The following MCMDC2 variants were observed in gnomAD, a reference collection of about 807,000 sequenced individuals.
MCMDC2 encodes minichromosome maintenance domain containing 2, also known as minichromosome maintenance domain-containing protein 2.
Under a neutral mutation model 75.8 loss-of-function variants are expected in MCMDC2, and 54 were observed. That is an observed-to-expected ratio of 0.71 (90% CI 0.57 to 0.89). The LOEUF (loss-of-function observed/expected upper bound fraction) is 0.89, where lower values mean the gene tolerates loss of function less well. Among genes scored for constraint, MCMDC2 ranks in the 40% least tolerant of loss-of-function variants. The pLI is 0.00. For synonymous variants in MCMDC2, 249 were observed against 274.6 expected, an observed-to-expected ratio of 0.91 and a Z score of 0.92; for missense variants, 656 against 780.4, an observed-to-expected ratio of 0.84 and a Z score of 1.90.
At chr8:66,872,266 T>C (rs768041345) in intron 1 of MCMDC2, among the ~76,000 whole-genome samples, 14 of 152,204 alleles carry the variant, frequency 9.2e-5, no homozygotes, top group Non-Finnish European at 1.8e-4. Context: ...GGGTGGAAGG[T>C]GACCTCCATC....
At chr8:66,871,303 A>G (rs1811005510) in intron 1 of MCMDC2, among the ~76,000 whole-genome samples, 1 of 152,100 alleles carries the variant, frequency 6.6e-6, no homozygotes. Context: ...AAGTCAGGAT[A>G]TCTCAAGGGA....
intron 9 of MCMDC2, 91 bp from the exon 10 acceptor site, chr8:66,890,774 G>T: frequency 9.6e-7 from 1 of 1,045,860 alleles, no homozygotes. Flanking sequence ...TATCACAGGT[G>T]CTCAGTAAAC....
At chr8:66,900,445 A>T (rs1260003076) in intron 12 of MCMDC2, among the ~76,000 whole-genome samples, 4 of 152,058 alleles carry the variant, frequency 2.6e-5, no homozygotes. Context: ...TCTCAAAATA[A>T]ATAAAAAAAA....
chr8:66,879,124 G>A (rs1192327513), intron 7 of MCMDC2, among the ~76,000 whole-genome samples: 2 of 152,048 alleles, frequency 1.3e-5, no homozygotes, highest in Admixed American at 6.6e-5. Flanking sequence ...TTAGCTAGAT[G>A]TGGTGGCATG....
chr8:66,924,845 G>A (rs1313787587), downstream of MCMDC2, among the ~76,000 whole-genome samples: 1 of 152,110 alleles, frequency 6.6e-6, no homozygotes, highest in Admixed American at 6.5e-5. Flanking sequence ...GTATTACGAA[G>A]GAAGGTCCAG....
At chr8:66,886,274 CCT>C (rs1002243866) in intron 9 of MCMDC2, among the ~76,000 whole-genome samples, 1 of 151,876 alleles carries the variant, frequency 6.6e-6, no homozygotes, top group Non-Finnish European at 1.5e-5. Context: ...AAGCAATTCC[CCT>C]GTTTCAGCCT....
At chr8:66,901,165 A>G (rs368773958) in intron 12 of MCMDC2, 41 bp from the exon 13 acceptor site, 2 of 1,464,042 alleles carry the variant, frequency 1.4e-6, no homozygotes, top group African/African-American at 2.8e-5. Flanking sequence ...TATTGATTCC[A>G]TAATAAAGCT....
At chr8:66,922,639 T>C (rs745699174), downstream of MCMDC2, 130 of 399,390 alleles carry the variant, frequency 3.3e-4, no homozygotes, top group Non-Finnish European at 5.5e-4. Flanking sequence ...GTGATCCTAG[T>C]AGTTTTTTCA....
intron 11 of MCMDC2, 104 bp downstream of exon 11, chr8:66,896,440 A>T (rs1585885185): frequency 9.3e-7 from 1 of 1,070,702 alleles, no homozygotes; most frequent in East Asian, 2.7e-5. Context: ...TCTATACTTT[A>T]TTGAGTACCA....
intron 14 of MCMDC2, among the ~76,000 whole-genome samples, chr8:66,910,152 A>G (rs185393585): frequency 1.3e-5 from 2 of 152,236 alleles, no homozygotes; most frequent in Admixed American, 6.5e-5. Flanking sequence ...AAATGTGTGG[A>G]TATCCCTGCA....
In MCMDC2 at chr8:66,920,621, C is replaced by T. The variant is rs376162354; in HGVS notation, c.*1452C>T. 6.6e-6 allele frequency: 1 copy of T among 152,138 alleles called. No homozygotes were observed. Among genetic ancestry groups the T allele is most frequent in the African/African-American group, 2.4e-5 (1 of 41,412 alleles). The allele number at this position is 152,138 out of a possible 1,614,324, so 9.4% of individuals were successfully genotyped here. A position where few individuals can be genotyped will look rare whatever the true frequency, so the allele number is the denominator to read the frequency against. ...CTACATTTCAAACATGTCTGGCTCTCTATGGGGGGAAGGCAAAACACATTC... is the reference window on the plus strand; with the variant it reads ...CTACATTTCAAACATGTCTGGCTCTTTATGGGGGGAAGGCAAAACACATTC... On this transcript the variant is annotated 3_prime_UTR_variant, in exon 15 of 15. Transcript: ENST00000422365.
At chr8:66,897,205 G>A (rs554600478) in intron 12 of MCMDC2, among the ~76,000 whole-genome samples, 2 of 151,994 alleles carry the variant, frequency 1.3e-5, no homozygotes, top group South Asian at 2.1e-4. Flanking sequence ...CCAGGAGTTC[G>A]AGACCAGCCT....
rs541092992 is a variant in MCMDC2, at chr8:66,922,014, G to A, written c.*2845G>A. ...ATTTTTCTCCATAATTTATTGTGAT[G>A]TTATCAACATCAAGTAAAATGCTCA... On this transcript the variant is annotated 3_prime_UTR_variant, in exon 15 of 15. Transcript: ENST00000422365. 1.3e-5 allele frequency: 2 copies of A among 153,188 alleles called. No individual in the cohort carries two copies. Among genetic ancestry groups the A allele is most frequent in the African/African-American group, 2.4e-5 (1 of 41,576 alleles). The allele number at this position is 153,188 out of a possible 1,614,324, so 9.5% of individuals were successfully genotyped here. A position where few individuals can be genotyped will look rare whatever the true frequency, so the allele number is the denominator to read the frequency against.
chr8:66,888,595 G>C (rs1171401787), intron 9 of MCMDC2, among the ~76,000 whole-genome samples: 1 of 151,968 alleles, frequency 6.6e-6, no homozygotes, highest in Admixed American at 6.6e-5. Context: ...TTGTTAAATT[G>C]GTTCTAAAAA....
chr8:66,890,853 T>C lies in MCMDC2; in HGVS notation c.1074-12T>C. On this transcript the variant is annotated splice_polypyrimidine_tract_variant and intron_variant, in intron 9 of 14. Transcript: ENST00000422365. ...AAATAATAGTAATGAAAAGTTTATT[T>C]TTTTTCCCTAGGCTTCTGAATTTTA... 1 of 1,591,404 alleles carries C rather than the reference T, an allele frequency of 6.3e-7. No individual in the cohort carries two copies. Among genetic ancestry groups the C allele is most frequent in the Non-Finnish European group, 8.5e-7 (1 of 1,172,562 alleles).
At chr8:66,902,545 T>A (rs1324241343) in intron 13 of MCMDC2, among the ~76,000 whole-genome samples, 1 of 147,666 alleles carries the variant, frequency 6.8e-6, no homozygotes, top group Non-Finnish European at 1.5e-5. Context: ...ACAAAAAAAA[T>A]TAGCTTGGCG....
intron 9 of MCMDC2, among the ~76,000 whole-genome samples, chr8:66,889,094 A>C (rs1811979145): frequency 6.6e-6 from 1 of 152,122 alleles, no homozygotes; most frequent in Non-Finnish European, 1.5e-5. Flanking sequence ...ATTTTATACC[A>C]TCTACCTATC....
chr8:66,878,990 T>A, intron 7 of MCMDC2, 71 bp downstream of exon 7: 1 of 919,768 alleles, frequency 1.1e-6, no homozygotes, highest in Non-Finnish European at 1.7e-6. Context: ...AGTGGCTGGC[T>A]CATGCCTGTA....
intron 12 of MCMDC2, among the ~76,000 whole-genome samples, chr8:66,897,406 CA>C (rs745366466): frequency 0.019 from 1,397 of 72,098 alleles, 17 homozygotes; most frequent in African/African-American, 0.051. Context: ...GACCCTGTCT[CA>C]AAAAAAAAAA....
Sources: allele counts gnomAD v4.1 joint callset (sites outside exome capture counted in the v4.1 genomes callset), GRCh38; gene constraint gnomAD v4.1.1; transcripts MANE v1.5; gene names NCBI Gene and HGNC (gene_info 2026-07-23, HGNC 2026-07-21).